The following RYR2 variants were observed in gnomAD, a reference collection of about 807,000 sequenced individuals.
RYR2 encodes the protein ryanodine receptor 2.
RYR2 carries 227 observed loss-of-function variants against 601.1 expected under a neutral mutation model. The observed-to-expected ratio is 0.38, with a 90% CI of 0.34 to 0.42. The LOEUF is 0.42. Ranked by LOEUF, RYR2 falls within the 10% of genes least tolerant of loss-of-function variation. The pLI is 1.00. For synonymous variants in RYR2, 2,223 were observed against 2,175.1 expected, an observed-to-expected ratio of 1.02 and a Z score of -0.61; for missense variants, 4,646 against 6,156.5, an observed-to-expected ratio of 0.75 and a Z score of 8.21.
rs727503401 is a variant in RYR2, at chr1:237,639,069, C to T, written c.6983C>T (p.Pro2328Leu). Residue 2328 changes from proline to leucine, a missense_variant, in exon 46 of 105, where the codon CCT becomes CTT. By Grantham distance (98) the Pro-to-Leu change is moderately conservative. Transcript: ENST00000366574. Reference sequence around the variant, plus strand: ...GTGGTGAGATTGCTCATTCGGAGGCCTGAGTGTTTTGGTCCTGCTTTGAGA... The same window carrying T: ...GTGGTGAGATTGCTCATTCGGAGGCTTGAGTGTTTTGGTCCTGCTTTGAGA... ...NVVVRLLIRR[P>L]ECFGPALRGE... 10 of 1,613,774 alleles carry T rather than the reference C, an allele frequency of 6.2e-6. No homozygotes were observed. Among genetic ancestry groups the T allele is most frequent in the Non-Finnish European group, 8.5e-6 (10 of 1,179,852 alleles).
chr1:237,669,088 A>C (rs1338587222), intron 58 of RYR2, among the ~76,000 whole-genome samples: 2 of 148,340 alleles, frequency 1.3e-5, no homozygotes. Context: ...CTTAACGAGC[A>C]TGCTGCCTTC....
intron 8 of RYR2, among the ~76,000 whole-genome samples, chr1:237,382,425 G>T (rs1372280385): frequency 6.6e-6 from 1 of 151,654 alleles, no homozygotes; most frequent in Non-Finnish European, 1.5e-5. Flanking sequence ...TGTGCACAAC[G>T]TGCAGGATTG....
intron 10 of RYR2, among the ~76,000 whole-genome samples, chr1:237,407,783 AT>A (rs1164090538): frequency 1.3e-5 from 2 of 151,614 alleles, no homozygotes; most frequent in Non-Finnish European, 2.9e-5. Context: ...TGCCCGGCTA[AT>A]TTTTTGTGTT....
At chr1:237,093,381 G>A (rs940887400) in intron 1 of RYR2, among the ~76,000 whole-genome samples, 1 of 152,110 alleles carries the variant, frequency 6.6e-6, no homozygotes, top group African/African-American at 2.4e-5. Context: ...AGAAATAGAG[G>A]GCAGATGATT....
At position 237,672,254 on chromosome 1, in the gene RYR2, A is replaced by C. The variant is rs549994914; in HGVS notation, c.8591-1842A>C. On this transcript the variant is annotated intron_variant, in intron 58 of 104. Coordinates refer to ENST00000366574, the MANE Select transcript of RYR2 (RefSeq NM_001035.3). ...TACTTTGCATTCTTAGGATTTTTAA[A>C]TTATAGACCTCTTTAAAGCATCTTT... Among the ~76,000 whole-genome samples the C allele has an allele frequency of 2.1e-4, 32 of 152,276 alleles. No individual in the cohort carries two copies. The South Asian group carries it at 6.6e-3, about 32-fold the overall frequency.
At chr1:237,672,944 AT>A (rs1685086278) in intron 58 of RYR2, among the ~76,000 whole-genome samples, 1 of 152,196 alleles carries the variant, frequency 6.6e-6, no homozygotes, top group African/African-American at 2.4e-5. Context: ...TCAGTGGGCG[AT>A]TGCATGTCTG....
At chr1:237,795,671 T>C (rs1176182770) in intron 96 of RYR2, among the ~76,000 whole-genome samples, 2 of 151,664 alleles carry the variant, frequency 1.3e-5, no homozygotes, top group Non-Finnish European at 2.9e-5. Context: ...GGCTGGTCTC[T>C]GACTCCTGAC....
chr1:237,359,153 T>C (rs965202535), intron 4 of RYR2, among the ~76,000 whole-genome samples: 4 of 152,168 alleles, frequency 2.6e-5, no homozygotes, highest in Non-Finnish European at 5.9e-5. Flanking sequence ...ATAGCTTAGC[T>C]TAGCCTCCCT....
At chr1:237,533,569 T>C (rs1165328203) in intron 25 of RYR2, among the ~76,000 whole-genome samples, 1 of 151,914 alleles carries the variant, frequency 6.6e-6, no homozygotes, top group Non-Finnish European at 1.5e-5. Context: ...AATAATAAAA[T>C]CACGGAATTA....
chr1:237,132,043 A>G lies in RYR2; in HGVS notation c.48+89474A>G, dbSNP rs185321719. 2.8e-3 allele frequency among the ~76,000 whole-genome samples: 434 copies of G among 152,306 alleles called. 6 individuals are homozygous for G. Among genetic ancestry groups the G allele is most frequent in the African/African-American group, 0.01 (418 of 41,564 alleles). On this transcript the variant is annotated intron_variant, in intron 1 of 104. Transcript: ENST00000366574. ...CTGGCCCAAGTATTCATAATCTTGC[A>G]TACTTTCTTCACACACTGAATAGGG...
intron 20 of RYR2, 97 bp downstream of exon 20, chr1:237,496,849 G>A (rs1664126883): frequency 1.4e-6 from 2 of 1,394,338 alleles, no homozygotes; most frequent in Non-Finnish European, 1.9e-6. Flanking sequence ...TACTTCTATA[G>A]GGTATTAATT....
chr1:237,209,908 G>A lies in RYR2; in HGVS notation c.49-60589G>A, dbSNP rs537804323. ...TGTGACAGCCCTAATACATGTTCAG[G>A]ATTTTAGAGAGGTTGTGCATCTCTT... On this transcript the variant is annotated intron_variant, in intron 1 of 104. Coordinates refer to ENST00000366574, the MANE Select transcript of RYR2 (RefSeq NM_001035.3). 5.9e-5 allele frequency among the ~76,000 whole-genome samples: 9 copies of A among 152,212 alleles called. No individual in the cohort carries two copies. The South Asian group carries it at 1.9e-3, about 32-fold the overall frequency.
chr1:237,158,963 C>T (rs891175229), intron 1 of RYR2, among the ~76,000 whole-genome samples: 11 of 152,210 alleles, frequency 7.2e-5, no homozygotes, highest in South Asian at 2.1e-4. Flanking sequence ...AATCAACACA[C>T]GGTAGTGTAA....
intron 96 of RYR2, among the ~76,000 whole-genome samples, chr1:237,796,042 T>A (rs959804922): frequency 1.3e-5 from 2 of 151,236 alleles, no homozygotes; most frequent in African/African-American, 4.8e-5. Flanking sequence ...ACATATATAT[T>A]TTTTTACTTT....
At chr1:237,269,099 A>G (rs538545152) in intron 1 of RYR2, among the ~76,000 whole-genome samples, 3,311 of 122,598 alleles carry the variant, frequency 0.027, 411 homozygotes, top group African/African-American at 0.09. Flanking sequence ...CTGGAGCGCA[A>G]TGGCACGATC....
Position 237,638,339 on chromosome 1 carries a change from T to TAA in RYR2, c.6793-17_6793-16dup, listed in dbSNP as rs761591314. ...TTTCAGCCAAGGGATAACTCTTTGT[T>TAA]AATCATGTTGTTTGCAGGTAGTTCG... On this transcript the variant is annotated splice_polypyrimidine_tract_variant and intron_variant, in intron 44 of 104. Coordinates refer to ENST00000366574, the MANE Select transcript of RYR2 (RefSeq NM_001035.3). 2.4e-5 allele frequency: 39 copies of TAA among 1,613,606 alleles called. No homozygotes were observed. The highest frequency in any genetic ancestry group is 3.0e-5 in the Non-Finnish European group (35 of 1,179,776).
chr1:237,661,590 T>G (rs755497638), intron 56 of RYR2, among the ~76,000 whole-genome samples: 8 of 152,138 alleles, frequency 5.3e-5, no homozygotes, highest in Non-Finnish European at 1.2e-4. Flanking sequence ...CTACAGCTAG[T>G]TTGTCTATAG....
intron 1 of RYR2, among the ~76,000 whole-genome samples, chr1:237,114,635 T>C (rs1044268292): frequency 6.6e-6 from 1 of 152,186 alleles, no homozygotes; most frequent in Non-Finnish European, 1.5e-5. Flanking sequence ...ACCTAGGGGA[T>C]AGAGCATGAC....
chr1:237,561,381 A>C (rs1671441543), intron 27 of RYR2, among the ~76,000 whole-genome samples: 1 of 152,212 alleles, frequency 6.6e-6, no homozygotes, highest in Admixed American at 6.5e-5. Flanking sequence ...TTAATTTTCC[A>C]ATGGGAGGAA....
Sources: allele counts gnomAD v4.1 joint callset (sites outside exome capture counted in the v4.1 genomes callset), GRCh38; gene constraint gnomAD v4.1.1; transcripts MANE v1.5; gene names NCBI Gene and HGNC (gene_info 2026-07-23, HGNC 2026-07-21).